The following SCAI variants were observed in gnomAD, a reference collection of about 807,000 sequenced individuals.
SCAI encodes suppressor of cancer cell invasion.
Under a neutral mutation model 92.2 loss-of-function variants are expected in SCAI, and 24 were observed. The ratio of observed to expected loss-of-function variants is 0.26; its 90% confidence interval spans 0.19 to 0.37. SCAI has a LOEUF of 0.37. Among genes scored for constraint, SCAI ranks in the 10% least tolerant of loss-of-function variants. The probability of loss-of-function intolerance (pLI) is 1.00; values close to 1 mark genes in which losing one functional copy is unlikely to be tolerated. For missense variants in SCAI, 450 were observed against 736.2 expected, an observed-to-expected ratio of 0.61 and a Z score of 4.50; for synonymous variants, 261 against 258.6, an observed-to-expected ratio of 1.01 and a Z score of -0.09.
rs998050342 is a variant in SCAI, at chr9:124,952,166, A to G, written c.*641T>C. 1 of 152,178 alleles carries G rather than the reference A, an allele frequency of 6.6e-6. No individual in the cohort carries two copies. The highest frequency in any genetic ancestry group is 2.4e-5 in the African/African-American group (1 of 41,444). 9.4% of individuals were successfully genotyped at this position (152,178 alleles called of 1,614,324 possible). A position where few individuals can be genotyped will look rare whatever the true frequency, so the allele number is the denominator to read the frequency against. ...AAAATATGCAAATAAATCTCATAATACTCATACATTCCAAGTAATATTACC... is the reference window on the plus strand; with the variant it reads ...AAAATATGCAAATAAATCTCATAATGCTCATACATTCCAAGTAATATTACC... On this transcript the variant is annotated 3_prime_UTR_variant, in exon 18 of 18. Transcript: ENST00000336505.
chr9:124,964,695 A>C (rs555593215), intron 17 of SCAI, among the ~76,000 whole-genome samples: 18 of 152,364 alleles, frequency 1.2e-4, no homozygotes, highest in African/African-American at 4.1e-4. Flanking sequence ...CTGGACAGCC[A>C]CGGCATTGCC....
chr9:125,018,669 A>G lies in SCAI; in HGVS notation c.861+130T>C, dbSNP rs952030669. ...TCTGTAATATATTCCATATATGCAC[A>G]CAGCATAATTTAATCAGCAATTTCC... On this transcript the variant is annotated intron_variant, in intron 9 of 17. Coordinates refer to ENST00000336505, the MANE Select transcript of SCAI (RefSeq NM_001144877.3). 271 of 738,926 alleles carry G rather than the reference A, an allele frequency of 3.7e-4. 1 individual carries two copies. Among genetic ancestry groups the G allele is most frequent in the Non-Finnish European group, 5.6e-4 (255 of 458,168 alleles). 45.8% of individuals were successfully genotyped at this position (738,926 alleles called of 1,614,324 possible).
chr9:124,982,744 G>C (rs1411553376), intron 14 of SCAI, among the ~76,000 whole-genome samples: 1 of 151,600 alleles, frequency 6.6e-6, no homozygotes, highest in Non-Finnish European at 1.5e-5. Flanking sequence ...TTCTTGGGGG[G>C]AAAAGGAAAT....
intron 2 of SCAI, among the ~76,000 whole-genome samples, chr9:125,134,739 C>T (rs950681531): frequency 2.7e-4 from 41 of 152,210 alleles, no homozygotes; most frequent in African/African-American, 9.4e-4. Flanking sequence ...TGCAATGGCA[C>T]GATCTCGGCT....
intron 3 of SCAI, among the ~76,000 whole-genome samples, chr9:125,032,193 A>ATTTTTTTTTTT (rs766382699): frequency 2.8e-5 from 3 of 108,932 alleles, no homozygotes; most frequent in African/African-American, 1.2e-4. Context: ...ATATATATAT[A>ATTTTTTTTTTT]TATTTTTTTT....
chr9:125,142,498 C>G, intron 2 of SCAI, 135 bp downstream of exon 2: 1 of 638,868 alleles, frequency 1.6e-6, no homozygotes. Flanking sequence ...AAAAATCATG[C>G]ATGTGGTTAT....
At chr9:125,092,739 G>A (rs1486811000) in intron 2 of SCAI, among the ~76,000 whole-genome samples, 1 of 152,128 alleles carries the variant, frequency 6.6e-6, no homozygotes, top group Non-Finnish European at 1.5e-5. Flanking sequence ...TTCAAACAGG[G>A]TGCATTAGCT....
intron 17 of SCAI, among the ~76,000 whole-genome samples, chr9:124,955,073 CAGG>C (rs1162797494): frequency 2.0e-5 from 3 of 150,862 alleles, no homozygotes; most frequent in Non-Finnish European, 4.4e-5. Flanking sequence ...GAGGGTGAGG[CAGG>C]AGAATTGCTT....
chr9:125,028,232 T>C (rs1172850222), intron 5 of SCAI, among the ~76,000 whole-genome samples, 160 bp downstream of exon 5: 1 of 152,222 alleles, frequency 6.6e-6, no homozygotes, highest in African/African-American at 2.4e-5. Flanking sequence ...TGGAAGGTTA[T>C]TGCACAACAT....
In SCAI at chr9:125,054,669, T is replaced by C. The variant is rs569801364; in HGVS notation, c.230+1207A>G. ...ATTAAAATAGTGAAAGAAAATATTC[T>C]TTAAAAAGACACAATTAATTTATAA... On this transcript the variant is annotated intron_variant, in intron 3 of 17. Transcript: ENST00000336505. 1.4e-4 allele frequency among the ~76,000 whole-genome samples: 22 copies of C among 152,276 alleles called. No homozygotes were observed. The South Asian group carries it at 4.4e-3, about 30-fold the overall frequency.
intron 2 of SCAI, among the ~76,000 whole-genome samples, chr9:125,106,827 G>A (rs1834811702): frequency 7.3e-6 from 1 of 137,890 alleles, no homozygotes; most frequent in South Asian, 2.3e-4. Flanking sequence ...TCCCACCTCA[G>A]CCTCCCAAGT....
intron 1 of SCAI, among the ~76,000 whole-genome samples, chr9:125,143,013 C>A (rs1835705194): frequency 6.6e-6 from 1 of 151,034 alleles, no homozygotes. Context: ...CCCCCCTAGC[C>A]TCCCCTTTCC....
intron 3 of SCAI, among the ~76,000 whole-genome samples, chr9:125,049,934 G>T (rs1833523769): frequency 6.6e-6 from 1 of 152,106 alleles, no homozygotes; most frequent in Non-Finnish European, 1.5e-5. Context: ...AAGTCACATG[G>T]ATGTATTCAG....
chr9:125,038,462 G>A (rs958303079), intron 3 of SCAI, among the ~76,000 whole-genome samples: 1 of 152,108 alleles, frequency 6.6e-6, no homozygotes, highest in Non-Finnish European at 1.5e-5. Context: ...CTGTTTCTTG[G>A]CCAGCAGCTG....
chr9:125,020,209 C>T (rs1157373948), intron 7 of SCAI, among the ~76,000 whole-genome samples: 2 of 151,952 alleles, frequency 1.3e-5, no homozygotes, highest in African/African-American at 4.8e-5. Flanking sequence ...GCAATGATTA[C>T]AGGTATTAAG....
In SCAI at chr9:125,091,893, C is replaced by T. The variant is rs554520220; in HGVS notation, c.99-35886G>A. Among the ~76,000 whole-genome samples, 4 of 152,160 alleles carry T rather than the reference C, an allele frequency of 2.6e-5. No homozygotes were observed. The highest frequency in any genetic ancestry group is 4.1e-4 in the South Asian group (2 of 4,824). ...GCGGGAGGCCGAGGCGAGCAGATCA[C>T]GAGGTCAGGAGATCGAGACCATCCT... On this transcript the variant is annotated intron_variant, in intron 2 of 17. Coordinates refer to ENST00000336505, the MANE Select transcript of SCAI (RefSeq NM_001144877.3). The surrounding 1 kb of genome is among the most constrained non-coding windows in gnomAD (Gnocchi z 4.3).
chr9:125,075,703 T>C (rs908329529), intron 2 of SCAI, among the ~76,000 whole-genome samples: 18 of 152,190 alleles, frequency 1.2e-4, no homozygotes, highest in Admixed American at 9.8e-4. Flanking sequence ...GTAGCTGGGA[T>C]TACAGGCATG....
intron 9 of SCAI, among the ~76,000 whole-genome samples, chr9:125,017,184 T>A (rs142025949): frequency 4.1e-4 from 62 of 152,294 alleles, no homozygotes; most frequent in Middle Eastern, 3.4e-3. Flanking sequence ...CTAAAGTAAA[T>A]CTATCAATTT....
At chr9:125,065,909 A>G in intron 2 of SCAI, 1 of 686,972 alleles carries the variant, frequency 1.5e-6, no homozygotes, top group South Asian at 1.8e-5. Flanking sequence ...AAAGAAACCA[A>G]CTCAGCAAAC....
Sources: allele counts gnomAD v4.1 joint callset (sites outside exome capture counted in the v4.1 genomes callset), GRCh38; gene constraint gnomAD v4.1.1; non-coding constraint Gnocchi (gnomAD v3.1); transcripts MANE v1.5; gene names NCBI Gene and HGNC (gene_info 2026-07-23, HGNC 2026-07-21).